RBMS3: variants seen among roughly 807,000 people sequenced by gnomAD.
The protein encoded by RBMS3 is RNA binding motif single stranded interacting protein 3.
A neutral mutation model predicts 66.8 loss-of-function variants in RBMS3; 27 were observed. That is an observed-to-expected ratio of 0.40 (90% CI 0.30 to 0.56). The LOEUF (loss-of-function observed/expected upper bound fraction) is 0.56, where lower values mean the gene tolerates loss of function less well. Ranked by LOEUF, RBMS3 falls within the 20% of genes least tolerant of loss-of-function variation. The pLI is 0.40. For missense variants in RBMS3, 513 were observed against 549.5 expected (o/e 0.93, Z 0.66); for synonymous variants, 188 against 183.0 (o/e 1.03, Z -0.22).
chr3:29,644,467 G>A (rs1248483204), intron 4 of RBMS3, among the ~76,000 whole-genome samples: 3 of 152,160 alleles, frequency 2.0e-5, no homozygotes, highest in Non-Finnish European at 4.4e-5. Context: ...TGAGCCTCGT[G>A]TCTGAAGCCT....
chr3:29,736,671 A>G (rs2054393175), intron 4 of RBMS3, among the ~76,000 whole-genome samples: 1 of 152,170 alleles, frequency 6.6e-6, no homozygotes, highest in Non-Finnish European at 1.5e-5. Flanking sequence ...TGGGGCACGT[A>G]TTTCTTGTAT....
At position 29,433,330 on chromosome 3, in the gene RBMS3, C is replaced by A. The variant is rs1235430068; in HGVS notation, c.76-1413C>A. On this transcript the variant is annotated intron_variant, in intron 1 of 14. Transcript: ENST00000383767. ...AGACTCTTCATCTTCAGATGAGAAC[C>A]CAGCCCAAAGTTTCCCCACTGGAAT... 2.6e-5 allele frequency among the ~76,000 whole-genome samples: 4 copies of A among 152,060 alleles called. No homozygotes were observed. The East Asian group carries it at 5.8e-4, about 22-fold the overall frequency.
At chr3:29,789,589 C>T (rs1323940961) in intron 6 of RBMS3, among the ~76,000 whole-genome samples, 1 of 152,006 alleles carries the variant, frequency 6.6e-6, no homozygotes, top group African/African-American at 2.4e-5. Context: ...CTAGTCAAAT[C>T]ATGTGTTATT....
intron 3 of RBMS3, among the ~76,000 whole-genome samples, chr3:29,548,252 G>A (rs368994030): frequency 1.9e-4 from 29 of 152,028 alleles, no homozygotes; most frequent in African/African-American, 6.0e-4. Flanking sequence ...ACAGTGAGAC[G>A]CTTGACTCTA....
intron 1 of RBMS3, among the ~76,000 whole-genome samples, chr3:29,377,242 C>G (rs148576911): frequency 7.2e-5 from 11 of 152,252 alleles, no homozygotes; most frequent in African/African-American, 2.6e-4. Flanking sequence ...GCAGCAGAGC[C>G]TCTACCAAAG....
chr3:29,521,118 T>G (rs2044840749), intron 3 of RBMS3, among the ~76,000 whole-genome samples: 1 of 152,150 alleles, frequency 6.6e-6, no homozygotes, highest in African/African-American at 2.4e-5. Flanking sequence ...CATCCTATTT[T>G]ATCCCACCCC....
At chr3:29,983,604 G>T (rs2149787304) in intron 12 of RBMS3, among the ~76,000 whole-genome samples, 1 of 152,178 alleles carries the variant, frequency 6.6e-6, no homozygotes, top group Middle Eastern at 3.4e-3. Flanking sequence ...TTGTAAGGCA[G>T]GCTCGGTGGT....
intron 10 of RBMS3, among the ~76,000 whole-genome samples, chr3:29,935,818 A>G (rs939794647): frequency 6.6e-6 from 1 of 152,242 alleles, no homozygotes; most frequent in Admixed American, 6.5e-5. Flanking sequence ...AATACATTCT[A>G]CCTCAAAAAA....
intron 1 of RBMS3, among the ~76,000 whole-genome samples, chr3:29,291,633 A>G (rs990748273): frequency 1.3e-5 from 2 of 151,852 alleles, no homozygotes; most frequent in African/African-American, 4.8e-5. Context: ...ATTTTTCTCA[A>G]TTCTTCTGTC....
At chr3:29,722,354 G>A (rs942753402) in intron 4 of RBMS3, among the ~76,000 whole-genome samples, 1 of 151,768 alleles carries the variant, frequency 6.6e-6, no homozygotes, top group African/African-American at 2.4e-5. Context: ...AGATGTTTGA[G>A]ACTAAATTTA....
intron 4 of RBMS3, among the ~76,000 whole-genome samples, chr3:29,684,193 T>G (rs1361292586): frequency 6.6e-6 from 1 of 152,164 alleles, no homozygotes; most frequent in East Asian, 1.9e-4. Flanking sequence ...AGTTATGGTG[T>G]TGTACTGGGA....
chr3:29,451,575 T>TG (rs5847571), intron 2 of RBMS3, among the ~76,000 whole-genome samples: 6,208 of 151,284 alleles, frequency 0.041, 252 homozygotes, highest in East Asian at 0.25. Flanking sequence ...ATTTTGTGGT[T>TG]TTTGTTTTTT....
At chr3:29,305,119 C>G (rs2033922715) in intron 1 of RBMS3, among the ~76,000 whole-genome samples, 1 of 151,874 alleles carries the variant, frequency 6.6e-6, no homozygotes, top group Non-Finnish European at 1.5e-5. Flanking sequence ...GCTCTTCCCT[C>G]TTCGTCAGTG....
At chr3:29,600,172 T>C (rs2149115076) in intron 4 of RBMS3, among the ~76,000 whole-genome samples, 1 of 152,224 alleles carries the variant, frequency 6.6e-6, no homozygotes, top group Non-Finnish European at 1.5e-5. Flanking sequence ...AATTTCCTTC[T>C]AGAAACCCAC....
intron 3 of RBMS3, among the ~76,000 whole-genome samples, chr3:29,497,768 T>A (rs2043809119): frequency 6.6e-6 from 1 of 152,068 alleles, no homozygotes; most frequent in South Asian, 2.1e-4. Context: ...GTTAGGATTA[T>A]TGCCGAAGTA....
intron 7 of RBMS3, 97 bp downstream of exon 7, chr3:29,869,061 C>A: frequency 2.1e-6 from 2 of 949,952 alleles, no homozygotes; most frequent in Non-Finnish European, 3.1e-6. Context: ...GAAATTGGGT[C>A]CCATGGAACA....
intron 4 of RBMS3, among the ~76,000 whole-genome samples, chr3:29,636,691 T>C (rs1017420566): frequency 6.6e-6 from 1 of 151,950 alleles, no homozygotes; most frequent in Non-Finnish European, 1.5e-5. Flanking sequence ...CTTGCAATAC[T>C]AGTGTCACCT....
intron 2 of RBMS3, among the ~76,000 whole-genome samples, chr3:29,471,718 G>GTTT (rs397793236): frequency 4.1e-4 from 29 of 71,172 alleles, no homozygotes; most frequent in African/African-American, 1.5e-3. Flanking sequence ...TGAGGACTTA[G>GTTT]TTTTTTTTTT....
chr3:29,393,467 T>C (rs1472936658), intron 1 of RBMS3, among the ~76,000 whole-genome samples: 1 of 152,148 alleles, frequency 6.6e-6, no homozygotes, highest in African/African-American at 2.4e-5. Flanking sequence ...TGTTATTCAA[T>C]GGAAAATCAT....
Sources: allele counts gnomAD v4.1 joint callset (sites outside exome capture counted in the v4.1 genomes callset), GRCh38; gene constraint gnomAD v4.1.1; transcripts MANE v1.5; gene names NCBI Gene and HGNC (gene_info 2026-07-23, HGNC 2026-07-21).